The following NLRX1 variants were observed in gnomAD, a reference collection of about 807,000 sequenced individuals.
NLRX1 encodes the protein NLR family member X1.
Under a neutral mutation model 74.2 loss-of-function variants are expected in NLRX1, and 67 were observed. The ratio of observed to expected loss-of-function variants is 0.90; its 90% CI spans 0.74 to 1.11. NLRX1 has a LOEUF of 1.11. Ranked by LOEUF, NLRX1 falls within the 50% of genes least tolerant of loss-of-function variation. The pLI is 0.00. For synonymous variants in NLRX1, 506 were observed against 559.1 expected, an observed-to-expected ratio of 0.91 and a Z score of 1.34; for missense variants, 1,191 against 1,305.4, an observed-to-expected ratio of 0.91 and a Z score of 1.35.
In NLRX1 at chr11:119,182,086, G is replaced by A. The variant is rs1948851539; in HGVS notation, c.2355-8G>A. The A allele has an allele frequency of 1.2e-6, 2 of 1,613,126 alleles. No individual in the cohort carries two copies. The highest frequency in any genetic ancestry group is 2.7e-5 in the African/African-American group (2 of 74,920). ...GCCCTCATAACCTTGGGTTGCACGT[G>A]GCTGTAGGCTGTCCAACAACCCGCT... On this transcript the variant is annotated splice_region_variant and splice_polypyrimidine_tract_variant and intron_variant, in intron 8 of 9. Coordinates refer to ENST00000409109, the MANE Select transcript of NLRX1 (RefSeq NM_001282144.2).
At chr11:119,182,968 C>A in intron 9 of NLRX1, 150 bp from the exon 10 acceptor site, 6 of 645,522 alleles carry the variant, frequency 9.3e-6, no homozygotes, top group Non-Finnish European at 1.6e-5. Flanking sequence ...CACTGGCCAG[C>A]AGCCTCCACC....
chr11:119,177,877 G>T (rs1170934408), intron 6 of NLRX1: 2 of 152,248 alleles, frequency 1.3e-5, no homozygotes, highest in Non-Finnish European at 2.9e-5. Context: ...AGGGAGGGTT[G>T]CCCTGGCAGA....
At chr11:119,172,200 C>T (rs756437829) in intron 2 of NLRX1, among the ~76,000 whole-genome samples, 156 bp from the exon 3 acceptor site, 2 of 152,182 alleles carry the variant, frequency 1.3e-5, no homozygotes, top group Admixed American at 6.5e-5. Context: ...GAATGTTAAT[C>T]GAATAATCAC....
intron 3 of NLRX1, among the ~76,000 whole-genome samples, chr11:119,172,644 G>A (rs1370028965): frequency 6.6e-6 from 1 of 152,208 alleles, no homozygotes; most frequent in Non-Finnish European, 1.5e-5. Context: ...GACCCTGTGG[G>A]AAGTGGGTGG....
intron 5 of NLRX1, 46 bp from the exon 6 acceptor site, chr11:119,174,407 A>G (rs753161185): frequency 1.3e-5 from 21 of 1,571,600 alleles, no homozygotes; most frequent in Non-Finnish European, 1.8e-5. Flanking sequence ...GAAGCAGTCA[A>G]CAGGACACTA....
At chr11:119,179,652 A>G in intron 6 of NLRX1, 41 bp from the exon 7 acceptor site, 1 of 1,538,338 alleles carries the variant, frequency 6.5e-7, no homozygotes, top group Non-Finnish European at 8.8e-7. Flanking sequence ...CTGAACAGGC[A>G]CATGGAAGGC....
chr11:119,175,215 G>A lies in NLRX1; in HGVS notation c.1612G>A (p.Gly538Ser). The change falls in exon 6 of 10, where the codon GGC (glycine) becomes AGC (serine). Residue 538 changes from glycine (G) to serine (S), a missense_variant. Gly to Ser is a moderately conservative substitution (Grantham distance 56). Transcript: ENST00000409109. ...TGGGGAGGACGTCAGCCTGGTACTG[G>A]GCATCATGGCCAAGCTGCTGCCTCT... ...RVGEDVSLVL[G>S]IMAKLLPLRA... 1.9e-6 allele frequency: 3 copies of A among 1,614,156 alleles called. No individual in the cohort carries two copies. Among genetic ancestry groups the A allele is most frequent in the Non-Finnish European group, 1.7e-6 (2 of 1,180,026 alleles).
In NLRX1 at chr11:119,183,194, C is replaced by T. The variant is rs149852877; in HGVS notation, c.2683C>T (p.Arg895Trp). The T allele has an allele frequency of 3.8e-5, 62 of 1,614,158 alleles. No individual in the cohort carries two copies. The highest frequency in any genetic ancestry group is 2.3e-4 in the African/African-American group (17 of 75,034). Residue 895 changes from arginine (R) to tryptophan (W), a missense_variant, in exon 10 of 10, where the codon CGG (arginine) becomes TGG (tryptophan). Transcript: ENST00000409109. The surrounding 1 kb of genome is among the most constrained non-coding windows in gnomAD (Gnocchi z 5.7). ...GGGGGGTGCTGCTGAAGGTGGTGCC[C>T]GGGTGGTGGTGTCACTGACAGAGGG... The part of the protein sequence containing the change: ...DLGGAAEGGA[R>W]VVVSLTEGTA...
At position 119,183,092 on chromosome 11, in the gene NLRX1, G is replaced by T. The variant is rs1195033951; in HGVS notation, c.2607-26G>T. ...CCTCCTTCTCAGAGCTCTACTGAAT[G>T]GCATCGACTTTCTCTCTCCTGCCAG... On this transcript the variant is annotated intron_variant, in intron 9 of 9. Transcript: ENST00000409109. The surrounding 1 kb of genome is among the most constrained non-coding windows in gnomAD (Gnocchi z 5.7). The T allele has an allele frequency of 6.2e-7, 1 of 1,606,602 alleles. No individual in the cohort carries two copies. The highest frequency in any genetic ancestry group is 2.2e-5 in the East Asian group (1 of 44,756).
rs760034157 is a variant in NLRX1 at position 119,183,162 on chromosome 11, G to A, written c.2651G>A (p.Arg884Gln). The change falls in exon 10 of 10, where the codon CGA (arginine) becomes CAA (glutamine). Residue 884 changes from arginine to glutamine, a missense_variant. Transcript: ENST00000409109. This position sits in a 1 kb window ranked among gnomAD's most constrained non-coding sequence, Gnocchi z 5.7. ...ELSSEGRQVL[R>Q]DLGGAAEGGA... Reference sequence around the variant, plus strand: ...AGCTCAGAGGGCCGCCAGGTCTTGCGAGACTTGGGGGGTGCTGCTGAAGGT... The same window carrying A: ...AGCTCAGAGGGCCGCCAGGTCTTGCAAGACTTGGGGGGTGCTGCTGAAGGT... The A allele has an allele frequency of 2.5e-6, 4 of 1,614,206 alleles. No homozygotes were observed. The highest frequency in any genetic ancestry group is 1.7e-5 in the Admixed American group (1 of 60,026).
rs369964067 is a variant in NLRX1 at position 119,181,286 on chromosome 11, G to A, written c.2354+29G>A. The A allele has an allele frequency of 3.2e-6, 5 of 1,573,584 alleles. No individual in the cohort carries two copies. In the African/African-American group the frequency reaches 5.4e-5, roughly 17 times the overall value. ...AGTGACCTGGGAGTGGGGCATCCTG[G>A]TGGCCAGCTAAGGTCAAGGGTGAGC... On this transcript the variant is annotated intron_variant, in intron 8 of 9. Transcript: ENST00000409109.
rs771718873 is a variant in NLRX1 at position 119,180,215 on chromosome 11, T to C, written c.2194T>C (p.Leu732=). ...AAGGCATGCCCTGGATGAGGTGAAC[T>C]TGGCCTCCTGCCAGCTAGATCCTGC... ...SGRHALDEVN[L]ASCQLDPAGL... is the part of the protein sequence containing the mutation. The change falls in exon 7 of 10, where the codon TTG becomes CTG. Residue 732 remains leucine (L), a synonymous_variant. Coordinates refer to ENST00000409109, the MANE Select transcript of NLRX1 (RefSeq NM_001282144.2). The C allele has an allele frequency of 3.1e-6, 5 of 1,611,350 alleles. No homozygotes were observed. The African/African-American group carries it at 6.7e-5, about 22-fold the overall frequency.
chr11:119,183,022 A>G lies in NLRX1; in HGVS notation c.2607-96A>G, dbSNP rs1280849771. 5 of 1,107,868 alleles carry G rather than the reference A, an allele frequency of 4.5e-6. No homozygotes were observed. The Admixed American group carries it at 9.1e-5, about 20-fold the overall frequency. The allele number at this position is 1,107,868 out of a possible 1,614,324, so 68.6% of individuals were successfully genotyped here. On this transcript the variant is annotated intron_variant, in intron 9 of 9. Transcript: ENST00000409109. This position sits in a 1 kb window ranked among gnomAD's most constrained non-coding sequence, Gnocchi z 5.7. ...CCTGATCGCACTCTGCAGCCAGGAGATGAGTTGTGAGGCCCCCTGACTTTC... is the reference window on the plus strand; with the variant it reads ...CCTGATCGCACTCTGCAGCCAGGAGGTGAGTTGTGAGGCCCCCTGACTTTC...
At chr11:119,179,629 T>A in intron 6 of NLRX1, 64 bp from the exon 7 acceptor site, 1 of 1,219,364 alleles carries the variant, frequency 8.2e-7, no homozygotes, top group South Asian at 2.1e-5. Flanking sequence ...TACCTTAAGC[T>A]GAACCTTGAA....
At chr11:119,178,392 T>C (rs1948748945) in intron 6 of NLRX1, among the ~76,000 whole-genome samples, 1 of 152,182 alleles carries the variant, frequency 6.6e-6, no homozygotes, top group South Asian at 2.1e-4. Flanking sequence ...TGAGGAAATG[T>C]CAGTTAACAA....
Position 119,173,610 on chromosome 11 carries a change from G to A in NLRX1, c.361G>A (p.Asp121Asn). Reference sequence around the variant, plus strand: ...CCCTGTGATCCGCGAGAGTACCCCTGATGAGCTACTTCGCCCACCCGCGGA... The same window carrying A: ...CCCTGTGATCCGCGAGAGTACCCCTAATGAGCTACTTCGCCCACCCGCGGA... Reference protein sequence around the residue: ...VDPVIRESTPDELLRPPAELA... With the variant: ...VDPVIRESTPNELLRPPAELA... Residue 121 changes from aspartate to asparagine, a missense_variant, in exon 5 of 10, where the codon GAT becomes AAT. Physicochemically the swap from Asp to Asn is conservative, Grantham distance 23. Transcript: ENST00000409109. The surrounding 1 kb of genome is among the most constrained non-coding windows in gnomAD (Gnocchi z 4.0). 1 of 1,614,148 alleles carries A rather than the reference G, an allele frequency of 6.2e-7. No homozygotes were observed. Among genetic ancestry groups the A allele is most frequent in the African/African-American group, 1.3e-5 (1 of 75,068 alleles).
At chr11:119,170,865 C>T (rs1948524212) in intron 1 of NLRX1, among the ~76,000 whole-genome samples, 1 of 152,170 alleles carries the variant, frequency 6.6e-6, no homozygotes, top group Admixed American at 6.5e-5. Flanking sequence ...GCAGGAAGGC[C>T]AGGTGTGATG....
chr11:119,170,992 A>C (rs1179681852), intron 1 of NLRX1, among the ~76,000 whole-genome samples: 1 of 152,142 alleles, frequency 6.6e-6, no homozygotes, highest in Non-Finnish European at 1.5e-5. Context: ...AAAATACAAA[A>C]ATTAGCCCAG....
In NLRX1 at chr11:119,173,118, C is replaced by T; in HGVS notation, c.229+129C>T. The T allele has an allele frequency of 7.0e-6, 5 of 712,628 alleles. No homozygotes were observed. Among genetic ancestry groups the T allele is most frequent in the East Asian group, 2.6e-5 (1 of 37,834 alleles). The allele number at this position is 712,628 out of a possible 1,614,324, so 44.1% of individuals were successfully genotyped here. A position where few individuals can be genotyped will look rare whatever the true frequency, so the allele number is the denominator to read the frequency against. On this transcript the variant is annotated intron_variant, in intron 4 of 9. Coordinates refer to ENST00000409109, the MANE Select transcript of NLRX1 (RefSeq NM_001282144.2). This position sits in a 1 kb window ranked among gnomAD's most constrained non-coding sequence, Gnocchi z 4.0. Reference sequence around the variant, plus strand: ...ATCGGTGGTCCCTCCTCCTCTCTCTCTCTCCCTCCCATCCGTCTATGTATC... The same window carrying T: ...ATCGGTGGTCCCTCCTCCTCTCTCTTTCTCCCTCCCATCCGTCTATGTATC...
Sources: gnomAD v4.1 joint callset for allele counts (sites outside exome capture counted in the v4.1 genomes callset) on GRCh38, gnomAD v4.1.1 for gene constraint, Gnocchi (gnomAD v3.1) non-coding constraint, MANE v1.5 for transcripts, NCBI Gene and HGNC (gene_info 2026-07-23, HGNC 2026-07-21) for gene names.